SMNDC1: variants seen among roughly 807,000 people sequenced by gnomAD.
SMNDC1 encodes survival of motor neuron-related-splicing factor 30.
SMNDC1 carries 5 observed loss-of-function variants against 29.2 expected under a neutral mutation model. That is an observed-to-expected ratio of 0.17 (90% confidence interval 0.09 to 0.36). The LOEUF is 0.36. Ranked by LOEUF, SMNDC1 falls within the 10% of genes least tolerant of loss-of-function variation. The pLI is 1.00. For synonymous variants in SMNDC1, 80 were observed against 89.9 expected (o/e 0.89, Z 0.62); for missense variants, 142 against 268.5 (o/e 0.53, Z 3.29).
chr10:110,300,177 C>T (rs113357408), intron 2 of SMNDC1, among the ~76,000 whole-genome samples: 383 of 152,322 alleles, frequency 2.5e-3, no homozygotes, highest in African/African-American at 8.9e-3. Flanking sequence ...CTTCCAGATC[C>T]ACCTAGGGAT....
chr10:110,298,632 T>G lies in SMNDC1; in HGVS notation c.263+16A>C. 6.3e-7 allele frequency: 1 copy of G among 1,586,740 alleles called. No homozygotes were observed. Among genetic ancestry groups the G allele is most frequent in the Non-Finnish European group, 8.6e-7 (1 of 1,168,896 alleles). On this transcript the variant is annotated intron_variant, in intron 3 of 5. Coordinates refer to ENST00000369603, the MANE Select transcript of SMNDC1 (RefSeq NM_005871.4). Reference sequence around the variant, plus strand: ...TTATTTCATGTTATAGTTAGAGTTTTTTTTTCTACACTTACTGTCCATCTT... The same window carrying G: ...TTATTTCATGTTATAGTTAGAGTTTGTTTTTCTACACTTACTGTCCATCTT...
intron 2 of SMNDC1, chr10:110,300,664 T>A: frequency 1.0e-6 from 1 of 985,372 alleles, no homozygotes; most frequent in Non-Finnish European, 1.2e-6. Flanking sequence ...GATCTACATA[T>A]CAGCAGGTCA....
In SMNDC1 at chr10:110,291,411, C is replaced by A. The variant is rs1257988709; in HGVS notation, c.*2739G>T. The A allele has an allele frequency of 1.3e-5, 2 of 152,182 alleles. No homozygotes were observed. The highest frequency in any genetic ancestry group is 2.9e-5 in the Non-Finnish European group (2 of 68,036). 9.4% of individuals were successfully genotyped at this position (152,182 alleles called of 1,614,324 possible). On this transcript the variant is annotated 3_prime_UTR_variant, in exon 6 of 6. Transcript: ENST00000369603. ...CTACAGCCTTGGTAATTTGATAACA[C>A]TTCAATAATACAGTTATAATTGGAT...
intron 2 of SMNDC1, chr10:110,300,434 C>G (rs979966918): frequency 6.9e-6 from 3 of 435,898 alleles, no homozygotes; most frequent in African/African-American, 2.1e-5. Context: ...TTTTACATAA[C>G]CCTCCCAACA....
At chr10:110,302,403 C>T (rs1192074283) in intron 2 of SMNDC1, among the ~76,000 whole-genome samples, 1 of 152,156 alleles carries the variant, frequency 6.6e-6, no homozygotes, top group Non-Finnish European at 1.5e-5. Flanking sequence ...TAACATACTA[C>T]TGCAATTTTA....
At chr10:110,299,563 A>G (rs989519969) in intron 2 of SMNDC1, among the ~76,000 whole-genome samples, 2 of 152,188 alleles carry the variant, frequency 1.3e-5, no homozygotes, top group Non-Finnish European at 2.9e-5. Flanking sequence ...AATTGAGAAC[A>G]GTACAAGCCG....
chr10:110,297,722 A>G lies in SMNDC1; in HGVS notation c.270T>C (p.Tyr90=), dbSNP rs776258257. 3.3e-5 allele frequency: 53 copies of G among 1,613,610 alleles called. No individual in the cohort carries two copies. In the Admixed American group the frequency reaches 7.2e-4, roughly 22 times the overall value. The change falls in exon 4 of 6, where the codon TAT becomes TAC. Residue 90 remains tyrosine (Y), a synonymous_variant. Transcript: ENST00000369603. The part of the protein sequence containing the change: ...MAVWSEDGQC[Y]EAEIEEIDEE... ...CATCTATCTCCTCAATCTCCGCTTCATAACACCTGTAAAGATATCATGGCT... is the reference window on the plus strand; with the variant it reads ...CATCTATCTCCTCAATCTCCGCTTCGTAACACCTGTAAAGATATCATGGCT...
chr10:110,298,701 AGTAGGT>A lies in SMNDC1; in HGVS notation c.204_209del (p.Gln68_Thr70delinsHis). ...ACTTGTCTCCTACTTTCCATGAATG[AGTAGGT>A]TGAGTAGAAGCAAAACTGTCTGAAC... On this transcript the variant is annotated inframe_deletion, in exon 3 of 6. Transcript: ENST00000369603. 6.2e-7 allele frequency: 1 copy of A among 1,613,656 alleles called. No individual in the cohort carries two copies. The highest frequency in any genetic ancestry group is 8.5e-7 in the Non-Finnish European group (1 of 1,179,680).
chr10:110,297,531 G>C (rs1256824039), intron 4 of SMNDC1, 36 bp downstream of exon 4: 1 of 1,596,462 alleles, frequency 6.3e-7, no homozygotes, highest in Non-Finnish European at 8.6e-7. Context: ...AAATGGGGAA[G>C]ATTGCACCTA....
intron 3 of SMNDC1, among the ~76,000 whole-genome samples, chr10:110,298,226 C>T (rs1449321675): frequency 2.6e-5 from 4 of 152,068 alleles, no homozygotes; most frequent in East Asian, 3.9e-4. Context: ...TGACCTCAAG[C>T]GATCTGCCTG....
At chr10:110,295,527 C>T in intron 4 of SMNDC1, 146 bp from the exon 5 acceptor site, 1 of 528,564 alleles carries the variant, frequency 1.9e-6, no homozygotes, top group Non-Finnish European at 3.1e-6. Context: ...AAAATCAGTA[C>T]CAATCACCCA....
At chr10:110,299,521 T>C (rs1857615500) in intron 2 of SMNDC1, among the ~76,000 whole-genome samples, 1 of 151,920 alleles carries the variant, frequency 6.6e-6, no homozygotes, top group East Asian at 1.9e-4. Context: ...ATTGGCTTCA[T>C]TCAAAGATGT....
intron 3 of SMNDC1, 33 bp from the exon 4 acceptor site, chr10:110,297,761 T>A: frequency 1.2e-6 from 2 of 1,603,026 alleles, no homozygotes; most frequent in Non-Finnish European, 1.7e-6. Flanking sequence ...AGCAGGTGAG[T>A]AAAGGTTTAG....
rs982123622 is a variant in SMNDC1 at position 110,293,555 on chromosome 10, A to C, written c.*595T>G. 1 of 152,216 alleles carries C rather than the reference A, an allele frequency of 6.6e-6. No individual in the cohort carries two copies. Among genetic ancestry groups the C allele is most frequent in the Admixed American group, 6.5e-5 (1 of 15,282 alleles). 9.4% of individuals were successfully genotyped at this position (152,216 alleles called of 1,614,324 possible). On this transcript the variant is annotated 3_prime_UTR_variant, in exon 6 of 6. Transcript: ENST00000369603. ...ATCCTAAGGTTTCTTACATAAAACT[A>C]AGAGTACATAAAAATAAAACAGCTA...
At position 110,298,072 on chromosome 10, in the gene SMNDC1, T is replaced by G. The variant is rs558106902; in HGVS notation, c.264-344A>C. Reference sequence around the variant, plus strand: ...AGTGCAATCTCAGCTCACTTCAACCTCCGCCTCCCAGGTTCAAACAATTCT... The same window carrying G: ...AGTGCAATCTCAGCTCACTTCAACCGCCGCCTCCCAGGTTCAAACAATTCT... On this transcript the variant is annotated intron_variant, in intron 3 of 5. Transcript: ENST00000369603. Among the ~76,000 whole-genome samples, 77 of 152,278 alleles carry G rather than the reference T, an allele frequency of 5.1e-4. 1 individual carries two copies. The East Asian group carries it at 0.011, about 22-fold the overall frequency.
At chr10:110,300,833 A>T (rs1857634928) in intron 2 of SMNDC1, 1 of 478,346 alleles carries the variant, frequency 2.1e-6, no homozygotes, top group Non-Finnish European at 2.7e-6. Context: ...TGATTATCAT[A>T]GACTGCCCGG....
chr10:110,292,111 T>A lies in SMNDC1; in HGVS notation c.*2039A>T, dbSNP rs1857505950. The stretch of plus-strand genomic sequence containing the variant: ...AATACTGTGGGTATCATGCTTCTCA[T>A]TGAGCATCTTCTCAAATTCAGTATC... On this transcript the variant is annotated 3_prime_UTR_variant, in exon 6 of 6. Coordinates refer to ENST00000369603, the MANE Select transcript of SMNDC1 (RefSeq NM_005871.4). 6.6e-6 allele frequency: 1 copy of A among 152,306 alleles called. No individual in the cohort carries two copies. The highest frequency in any genetic ancestry group is 6.5e-5 in the Admixed American group (1 of 15,300). 9.4% of individuals were successfully genotyped at this position (152,306 alleles called of 1,614,324 possible). A position where few individuals can be genotyped will look rare whatever the true frequency, so the allele number is the denominator to read the frequency against.
intron 3 of SMNDC1, among the ~76,000 whole-genome samples, chr10:110,297,982 A>G (rs989320000): frequency 6.6e-6 from 1 of 152,180 alleles, no homozygotes; most frequent in Non-Finnish European, 1.5e-5. Flanking sequence ...GTCTTTGAGA[A>G]TAGAGGTTTC....
At chr10:110,301,699 A>C (rs1268674343) in intron 2 of SMNDC1, among the ~76,000 whole-genome samples, 2 of 152,208 alleles carry the variant, frequency 1.3e-5, no homozygotes, top group African/African-American at 4.8e-5. Context: ...CATCACAGAA[A>C]GTTCTACTGG....
Sources: allele counts gnomAD v4.1 joint callset (sites outside exome capture counted in the v4.1 genomes callset), GRCh38; gene constraint gnomAD v4.1.1; transcripts MANE v1.5; gene names NCBI Gene and HGNC (gene_info 2026-07-23, HGNC 2026-07-21).